Variants in SORCS1 observed in about 807,000 individuals in gnomAD.
SORCS1 encodes the protein sortilin related VPS10 domain containing receptor 1, also known as VPS10 domain-containing receptor SorCS1.
Under a neutral mutation model 146.1 loss-of-function variants are expected in SORCS1, and 60 were observed. The ratio of observed to expected loss-of-function variants is 0.41; its 90% CI spans 0.33 to 0.51. The LOEUF (loss-of-function observed/expected upper bound fraction) is 0.51. SORCS1 is among the 20% of genes least tolerant of loss of function. The pLI is 0.21. For synonymous variants in SORCS1, 637 were observed against 584.0 expected (o/e 1.09, Z -1.31); for missense variants, 1,352 against 1,487.6 (o/e 0.91, Z 1.50).
At chr10:107,022,655 T>C (rs1348322636) in intron 1 of SORCS1, among the ~76,000 whole-genome samples, 5 of 152,170 alleles carry the variant, frequency 3.3e-5, no homozygotes, top group Non-Finnish European at 7.4e-5. Flanking sequence ...CTTAACTCTG[T>C]AGTCAAGGTT....
At chr10:106,765,650 G>A (rs1859512542) in intron 4 of SORCS1, among the ~76,000 whole-genome samples, 1 of 152,006 alleles carries the variant, frequency 6.6e-6, no homozygotes, top group African/African-American at 2.4e-5. Flanking sequence ...CACTGGTTTT[G>A]CTCAATTCCT....
At chr10:107,147,534 T>A (rs1968434689) in intron 1 of SORCS1, among the ~76,000 whole-genome samples, 1 of 152,030 alleles carries the variant, frequency 6.6e-6, no homozygotes, top group African/African-American at 2.4e-5. Flanking sequence ...CTCTCTCCCC[T>A]CTCTCTTCCT....
At position 106,577,198 on chromosome 10, in the gene SORCS1, GT is replaced by G; in HGVS notation, c.*221del. On this transcript the variant is annotated 3_prime_UTR_variant, in exon 26 of 26. Transcript: ENST00000263054. ...TATGTTTTGTTTTGTTTTTGTTTTTGTTTTTTTACTGGCGTCCTCCATTCAA... is the reference window on the plus strand; with the variant it reads ...TATGTTTTGTTTTGTTTTTGTTTTTGTTTTTTACTGGCGTCCTCCATTCAA... 6.6e-7 allele frequency: 1 copy of G among 1,518,346 alleles called. No individual in the cohort carries two copies. The highest frequency in any genetic ancestry group is 1.2e-5 in the South Asian group (1 of 84,956). 94.1% of individuals were successfully genotyped at this position (1,518,346 alleles called of 1,614,324 possible).
At chr10:106,789,294 T>C (rs1337239812) in intron 3 of SORCS1, among the ~76,000 whole-genome samples, 2 of 152,306 alleles carry the variant, frequency 1.3e-5, no homozygotes, top group East Asian at 1.9e-4. Context: ...GTCTTGGCAA[T>C]TAACATTTGG....
chr10:106,828,205 T>A (rs531555255), intron 3 of SORCS1, among the ~76,000 whole-genome samples: 2 of 152,300 alleles, frequency 1.3e-5, no homozygotes, highest in East Asian at 3.9e-4. Flanking sequence ...TAGCTGGGTT[T>A]TCTCTCTTCT....
intron 1 of SORCS1, among the ~76,000 whole-genome samples, chr10:106,961,241 A>G (rs1955209000): frequency 6.6e-6 from 1 of 152,362 alleles, no homozygotes; most frequent in East Asian, 1.9e-4. Context: ...TGCCAGCAGC[A>G]TAAGACAGGC....
rs182107286 is a variant in SORCS1 at position 106,752,163 on chromosome 10, C to T, written c.959+9425G>A. 2.6e-3 allele frequency among the ~76,000 whole-genome samples: 390 copies of T among 152,272 alleles called. 2 individuals carry two copies. The highest frequency in any genetic ancestry group is 6.8e-3 in the Middle Eastern group (2 of 292). The stretch of plus-strand genomic sequence containing the variant: ...ATGTTCATCCTAAATCCATGCTTTT[C>T]CTACCAATCACATATATAGAGCTGC... On this transcript the variant is annotated intron_variant, in intron 5 of 25. Coordinates refer to ENST00000263054, the MANE Select transcript of SORCS1 (RefSeq NM_052918.5).
intron 1 of SORCS1, among the ~76,000 whole-genome samples, chr10:106,979,110 C>T (rs1031645021): frequency 1.3e-5 from 2 of 151,552 alleles, no homozygotes; most frequent in African/African-American, 4.9e-5. Context: ...TGAAATGGAG[C>T]CAAAAAAGAA....
intron 1 of SORCS1, among the ~76,000 whole-genome samples, chr10:107,040,449 A>G (rs1959103149): frequency 1.3e-5 from 2 of 152,082 alleles, no homozygotes; most frequent in African/African-American, 4.8e-5. Flanking sequence ...TTGTGAATTC[A>G]CCCCTTATGG....
At chr10:106,634,137 T>A (rs1031622066) in intron 18 of SORCS1, among the ~76,000 whole-genome samples, 1 of 152,166 alleles carries the variant, frequency 6.6e-6, no homozygotes. Flanking sequence ...TGAAGCATAA[T>A]CACAAACAAA....
In SORCS1 at chr10:106,897,977, C is replaced by T. The variant is rs148333531; in HGVS notation, c.626+58536G>A. ...GCCATTCCTTCGCTGGGACCCATGG[C>T]GATTCTGTAAACATCAGTTATCCTG... is the stretch of plus-strand genomic sequence containing the variant. On this transcript the variant is annotated intron_variant, in intron 2 of 25. Coordinates refer to ENST00000263054, the MANE Select transcript of SORCS1 (RefSeq NM_052918.5). 3.6e-3 allele frequency among the ~76,000 whole-genome samples: 551 copies of T among 152,318 alleles called. 1 individual carries two copies. The highest frequency in any genetic ancestry group is 9.6e-3 in the African/African-American group (397 of 41,568).
intron 1 of SORCS1, among the ~76,000 whole-genome samples, chr10:107,083,562 G>C (rs1463279911): frequency 4.6e-5 from 7 of 152,072 alleles, no homozygotes; most frequent in Admixed American, 3.3e-4. Context: ...TCTTTACAAG[G>C]CTAAAATGTG....
At chr10:106,652,028 T>A (rs1849902236) in intron 18 of SORCS1, among the ~76,000 whole-genome samples, 1 of 152,170 alleles carries the variant, frequency 6.6e-6, no homozygotes, top group Non-Finnish European at 1.5e-5. Flanking sequence ...ATCTCTTAGG[T>A]TAGTTTAGTA....
At chr10:106,622,490 T>C (rs911866557) in intron 19 of SORCS1, among the ~76,000 whole-genome samples, 1 of 152,004 alleles carries the variant, frequency 6.6e-6, no homozygotes, top group Non-Finnish European at 1.5e-5. Context: ...ATTCACTGGG[T>C]AAAACAAATG....
chr10:106,832,714 C>T (rs978023160), intron 2 of SORCS1, among the ~76,000 whole-genome samples: 2 of 151,992 alleles, frequency 1.3e-5, no homozygotes, highest in Non-Finnish European at 2.9e-5. Context: ...AAGAATGAAA[C>T]ATGTAAATAC....
At chr10:107,126,431 A>G (rs1246633902) in intron 1 of SORCS1, among the ~76,000 whole-genome samples, 1 of 152,214 alleles carries the variant, frequency 6.6e-6, no homozygotes, top group African/African-American at 2.4e-5. Flanking sequence ...ATAGACAGGT[A>G]TCTACCTTAT....
chr10:106,849,782 G>C (rs1450367505), intron 2 of SORCS1, among the ~76,000 whole-genome samples: 1 of 151,514 alleles, frequency 6.6e-6, no homozygotes, highest in African/African-American at 2.4e-5. Flanking sequence ...TGTCCTTTCT[G>C]TTTGTTAGTT....
At chr10:106,973,442 G>C (rs942389063) in intron 1 of SORCS1, among the ~76,000 whole-genome samples, 1 of 152,154 alleles carries the variant, frequency 6.6e-6, no homozygotes, top group African/African-American at 2.4e-5. Flanking sequence ...GAATCCACTT[G>C]TTTCCTGGCC....
chr10:106,742,453 C>T (rs1321189909), intron 5 of SORCS1, among the ~76,000 whole-genome samples: 4 of 152,206 alleles, frequency 2.6e-5, no homozygotes, highest in African/African-American at 7.2e-5. Flanking sequence ...AATCTCAGCT[C>T]ACTGCAGCCT....
Sources: gnomAD v4.1 joint callset for allele counts (sites outside exome capture counted in the v4.1 genomes callset) on GRCh38, gnomAD v4.1.1 for gene constraint, MANE v1.5 for transcripts, NCBI Gene and HGNC (gene_info 2026-07-23, HGNC 2026-07-21) for gene names.